HOMER2: variants seen among roughly 807,000 people sequenced by gnomAD.
HOMER2 encodes homer scaffold protein 2.
Under a neutral mutation model 47.0 loss-of-function variants are expected in HOMER2, and 27 were observed. The ratio of observed to expected loss-of-function variants is 0.57; its 90% confidence interval spans 0.42 to 0.79. HOMER2 has a LOEUF of 0.79. HOMER2 is among the 30% of genes least tolerant of loss of function. The pLI is 0.00. For synonymous variants in HOMER2, 161 were observed against 163.8 expected (o/e 0.98, Z 0.13); for missense variants, 443 against 435.0 (o/e 1.02, Z -0.16).
At chr15:82,865,474 A>T (rs1325050081) in intron 3 of HOMER2, among the ~76,000 whole-genome samples, 1 of 152,228 alleles carries the variant, frequency 6.6e-6, no homozygotes, top group Non-Finnish European at 1.5e-5. Context: ...TGTCCACTTT[A>T]GGAAAAAAAA....
chr15:82,869,344 T>C (rs1254258231), intron 3 of HOMER2, among the ~76,000 whole-genome samples: 1 of 151,452 alleles, frequency 6.6e-6, no homozygotes, highest in East Asian at 2.0e-4. Flanking sequence ...ATTCATTACC[T>C]ACATTTCTTT....
At chr15:82,930,268 G>A (rs975315693) in intron 1 of HOMER2, among the ~76,000 whole-genome samples, 1 of 152,162 alleles carries the variant, frequency 6.6e-6, no homozygotes, top group Non-Finnish European at 1.5e-5. Flanking sequence ...AAAATGTGAA[G>A]CTCAAATGAA....
intron 5 of HOMER2, among the ~76,000 whole-genome samples, chr15:82,856,932 G>A (rs1297005997): frequency 6.6e-6 from 1 of 152,184 alleles, no homozygotes; most frequent in African/African-American, 2.4e-5. Context: ...GTGATGGAAG[G>A]TTTACTAGCC....
chr15:82,953,533 T>A (rs2054549105), upstream of HOMER2, among the ~76,000 whole-genome samples: 1 of 152,108 alleles, frequency 6.6e-6, no homozygotes. Flanking sequence ...CATCTTCTGC[T>A]GGGAACACAC....
At chr15:82,941,537 A>G (rs1255615449) in intron 1 of HOMER2, among the ~76,000 whole-genome samples, 6 of 150,904 alleles carry the variant, frequency 4.0e-5, no homozygotes, top group Non-Finnish European at 7.4e-5. Context: ...ACTGAAGTCC[A>G]TACAGTATAG....
chr15:82,835,826 C>T (rs35946485), downstream of HOMER2: 25,906 of 152,298 alleles, frequency 0.17, 2,535 homozygotes, highest in Middle Eastern at 0.23. Flanking sequence ...TCCTTCCCCA[C>T]CACAGACAGG....
chr15:82,967,398 G>C (rs1015026059), intron 1 of HOMER2, among the ~76,000 whole-genome samples: 6 of 152,156 alleles, frequency 3.9e-5, no homozygotes, highest in Non-Finnish European at 8.8e-5. Flanking sequence ...TTAGTGTTGA[G>C]AGATACATGC....
intron 1 of HOMER2, among the ~76,000 whole-genome samples, chr15:82,914,612 G>T (rs2053535604): frequency 6.6e-6 from 1 of 152,072 alleles, no homozygotes; most frequent in Admixed American, 6.6e-5. Flanking sequence ...TTGGGATGAT[G>T]AAAAGTTCTG....
intron 5 of HOMER2, 82 bp downstream of exon 5, chr15:82,858,947 T>C: frequency 6.7e-7 from 1 of 1,494,584 alleles, no homozygotes. Context: ...CCCAATTTCC[T>C]GAAACCCTGT....
In HOMER2 at chr15:82,945,766, C is replaced by G. The variant is rs559349516; in HGVS notation, c.5+6765G>C. 1.1e-4 allele frequency among the ~76,000 whole-genome samples: 17 copies of G among 152,016 alleles called. No individual in the cohort carries two copies. The East Asian group carries it at 1.7e-3, about 16-fold the overall frequency. On this transcript the variant is annotated intron_variant, in intron 1 of 8. Coordinates refer to ENST00000450735, the MANE Select transcript of HOMER2 (RefSeq NM_004839.4). ...CGGGCAAATCACGAGGTCAGGAGAT[C>G]GAGACCATCCTGGCTAACAAGGTGA...
intron 1 of HOMER2, among the ~76,000 whole-genome samples, chr15:82,984,326 C>A (rs917100366): frequency 9.2e-5 from 14 of 152,192 alleles, no homozygotes; most frequent in Non-Finnish European, 1.9e-4. Context: ...GCCACCGCAC[C>A]CGGCCTTTTA....
chr15:82,913,232 C>G lies in HOMER2; in HGVS notation c.6-20391G>C, dbSNP rs2053496200. On this transcript the variant is annotated intron_variant, in intron 1 of 8. Coordinates refer to ENST00000450735, the MANE Select transcript of HOMER2 (RefSeq NM_004839.4). This position sits in a 1 kb window ranked among gnomAD's most constrained non-coding sequence, Gnocchi z 4.1. The stretch of plus-strand genomic sequence containing the variant: ...GGAGTTAAAGCTCAGCATCCCTGTG[C>G]CCTGGAGAGGGTGGTTATGGCAGCC... Among the ~76,000 whole-genome samples the G allele has an allele frequency of 6.6e-6, 1 of 152,120 alleles. No homozygotes were observed. Among genetic ancestry groups the G allele is most frequent in the Non-Finnish European group, 1.5e-5 (1 of 68,024 alleles).
intron 1 of HOMER2, among the ~76,000 whole-genome samples, chr15:82,934,032 A>C (rs1187091414): frequency 6.6e-6 from 1 of 152,118 alleles, no homozygotes; most frequent in Non-Finnish European, 1.5e-5. Flanking sequence ...TCCTTCTGGA[A>C]ATCAGCAGGC....
At chr15:82,879,373 A>G (rs1298856768) in intron 2 of HOMER2, among the ~76,000 whole-genome samples, 1 of 152,162 alleles carries the variant, frequency 6.6e-6, no homozygotes, top group African/African-American at 2.4e-5. Context: ...CTGTGCACCT[A>G]TAGTCCCAGC....
intron 2 of HOMER2, among the ~76,000 whole-genome samples, chr15:82,891,849 G>C (rs1024909055): frequency 6.6e-6 from 1 of 152,104 alleles, no homozygotes; most frequent in Non-Finnish European, 1.5e-5. Context: ...CAAATGATTG[G>C]GGAATAAAAA....
chr15:82,963,490 C>T (rs1248534627), intron 1 of HOMER2, among the ~76,000 whole-genome samples: 2 of 152,112 alleles, frequency 1.3e-5, no homozygotes, highest in African/African-American at 4.8e-5. Context: ...TAGACTGAGC[C>T]CATTACTACT....
Position 82,850,025 on chromosome 15 carries a change from T to A in HOMER2, c.844-122A>T. The A allele has an allele frequency of 3.2e-6, 3 of 951,410 alleles. No homozygotes were observed. In the South Asian group the frequency reaches 5.0e-5, roughly 16 times the overall value. The allele number at this position is 951,410 out of a possible 1,614,324, so 58.9% of individuals were successfully genotyped here. On this transcript the variant is annotated intron_variant, in intron 8 of 8. Transcript: ENST00000450735. ...TGAGGGCCTGGGCCAGGGCTTAAGCTGCCTAGAGACATGCTACCCCAGCAC... is the reference window on the plus strand; with the variant it reads ...TGAGGGCCTGGGCCAGGGCTTAAGCAGCCTAGAGACATGCTACCCCAGCAC...
intron 1 of HOMER2, among the ~76,000 whole-genome samples, chr15:82,984,280 C>T (rs1334530549): frequency 6.6e-6 from 1 of 152,032 alleles, no homozygotes; most frequent in Non-Finnish European, 1.5e-5. Context: ...GATCCACCCG[C>T]CTCGACCTCC....
downstream of HOMER2, chr15:82,836,817 A>G (rs988944079): frequency 2.0e-5 from 3 of 152,302 alleles, no homozygotes; most frequent in South Asian, 2.1e-4. Flanking sequence ...TAAAGGCCAC[A>G]TGGCATGTGA....
Sources: allele counts gnomAD v4.1 joint callset (sites outside exome capture counted in the v4.1 genomes callset), GRCh38; gene constraint gnomAD v4.1.1; non-coding constraint Gnocchi (gnomAD v3.1); transcripts MANE v1.5; gene names NCBI Gene and HGNC (gene_info 2026-07-23, HGNC 2026-07-21).